CACNA2D3: variants seen among roughly 807,000 people sequenced by gnomAD.
CACNA2D3 encodes voltage-dependent calcium channel subunit alpha-2/delta-3.
In CACNA2D3, 60 loss-of-function variants were observed where a neutral mutation model predicts 160.6. The observed-to-expected ratio is 0.37, with a 90% CI of 0.30 to 0.46. CACNA2D3 has a LOEUF of 0.46. Ranked by LOEUF, CACNA2D3 falls within the 20% of genes least tolerant of loss-of-function variation. The pLI, the probability that CACNA2D3 is intolerant of heterozygous loss-of-function variation, is 1.00. For missense variants in CACNA2D3, 1,205 were observed against 1,365.0 expected (o/e 0.88, Z 1.85); for synonymous variants, 558 against 492.9 (o/e 1.13, Z -1.75).
chr3:54,161,411 C>T (rs1317671352), intron 2 of CACNA2D3, among the ~76,000 whole-genome samples: 2 of 152,208 alleles, frequency 1.3e-5, no homozygotes, highest in African/African-American at 2.4e-5. Flanking sequence ...AAAACATAGG[C>T]CTGTGAACAC....
chr3:54,280,814 T>C (rs1224201195), intron 2 of CACNA2D3, among the ~76,000 whole-genome samples: 1 of 152,206 alleles, frequency 6.6e-6, no homozygotes, highest in East Asian at 1.9e-4. Flanking sequence ...CTCCTCCTTT[T>C]TGGGTCTCAG....
chr3:54,888,063 G>C lies in CACNA2D3; in HGVS notation c.2150+11G>C, dbSNP rs1699967069. 3 of 1,598,292 alleles carry C rather than the reference G, an allele frequency of 1.9e-6. No homozygotes were observed. In the East Asian group the frequency reaches 6.7e-5, roughly 36 times the overall value. On this transcript the variant is annotated intron_variant, in intron 24 of 37. Coordinates refer to ENST00000474759, the MANE Select transcript of CACNA2D3 (RefSeq NM_018398.3). ...CCTCAACAAATCTGAGTAAGTGGTTGCACGTGTCCTCGTTTCATGGCCATT... is the reference window on the plus strand; with the variant it reads ...CCTCAACAAATCTGAGTAAGTGGTTCCACGTGTCCTCGTTTCATGGCCATT...
At position 54,368,693 on chromosome 3, in the gene CACNA2D3, C is replaced by CTTTT. The variant is rs33976949; in HGVS notation, c.322-17999_322-17996dup. ...CAAGGTAATATTTGGGGGTAGGGTTCTTTTTTTTTTTTTTTTTTTTTTTTT... is the reference window on the plus strand; with the variant it reads ...CAAGGTAATATTTGGGGGTAGGGTTCTTTTTTTTTTTTTTTTTTTTTTTTTTTTT... On this transcript the variant is annotated intron_variant, in intron 3 of 37. Coordinates refer to ENST00000474759, the MANE Select transcript of CACNA2D3 (RefSeq NM_018398.3). 8.7e-3 allele frequency among the ~76,000 whole-genome samples: 624 copies of CTTTT among 71,530 alleles called. 121 individuals carry two copies. Among genetic ancestry groups the CTTTT allele is most frequent in the East Asian group, 0.046 (80 of 1,758 alleles). The allele number at this position is 71,530 out of a possible 152,430, so 46.9% of individuals were successfully genotyped here.
intron 4 of CACNA2D3, among the ~76,000 whole-genome samples, chr3:54,414,648 A>G (rs1699725059): frequency 6.6e-6 from 1 of 151,836 alleles, no homozygotes; most frequent in Non-Finnish European, 1.5e-5. Context: ...TCTTTTCCCC[A>G]TTGCCCTAAT....
At chr3:54,900,268 C>T (rs1001948656) in intron 27 of CACNA2D3, among the ~76,000 whole-genome samples, 4 of 152,144 alleles carry the variant, frequency 2.6e-5, no homozygotes, top group Non-Finnish European at 4.4e-5. Flanking sequence ...CTGAAATGTG[C>T]CCTTCTCCAG....
At chr3:54,941,156 A>T (rs74464380) in intron 27 of CACNA2D3, among the ~76,000 whole-genome samples, 3,444 of 152,338 alleles carry the variant, frequency 0.023, 131 homozygotes, top group African/African-American at 0.075. Context: ...CCCCAGTTAA[A>T]GTAACTTAAA....
chr3:54,924,659 C>A (rs774908859), intron 27 of CACNA2D3: 1 of 1,614,076 alleles, frequency 6.2e-7, no homozygotes, highest in Non-Finnish European at 8.5e-7. Flanking sequence ...TAAGACCGAG[C>A]AAGTGGCAAT....
chr3:54,191,830 C>T (rs1309464057), intron 2 of CACNA2D3, among the ~76,000 whole-genome samples: 1 of 152,180 alleles, frequency 6.6e-6, no homozygotes, highest in Non-Finnish European at 1.5e-5. Flanking sequence ...AGAATGTACA[C>T]AGAGCCCAGA....
At chr3:54,806,741 G>A (rs1335855070) in intron 13 of CACNA2D3, among the ~76,000 whole-genome samples, 9 of 152,062 alleles carry the variant, frequency 5.9e-5, no homozygotes, top group South Asian at 4.2e-4. Flanking sequence ...AGCCCGCATC[G>A]CCAAGTCAAT....
In CACNA2D3 at chr3:54,494,385, G is replaced by A. The variant is rs78412419; in HGVS notation, c.382-9107G>A. ...CAATCGTCCCTGGTAAATGATGAGC[G>A]CCATTGAGCAAAATCATGCTTAGGC... is the stretch of plus-strand genomic sequence containing the variant. On this transcript the variant is annotated intron_variant, in intron 4 of 37. Transcript: ENST00000474759. 2.2e-3 allele frequency among the ~76,000 whole-genome samples: 335 copies of A among 152,268 alleles called. 2 individuals carry two copies. The highest frequency in any genetic ancestry group is 0.022 in the East Asian group (112 of 5,168).
intron 9 of CACNA2D3, among the ~76,000 whole-genome samples, chr3:54,609,383 A>G (rs544752687): frequency 6.6e-5 from 10 of 152,298 alleles, no homozygotes; most frequent in African/African-American, 2.4e-4. Context: ...AGCCCTGGCA[A>G]ATTAATACAG....
chr3:54,349,126 A>C (rs1050501896), intron 3 of CACNA2D3, among the ~76,000 whole-genome samples: 1 of 152,110 alleles, frequency 6.6e-6, no homozygotes, highest in Non-Finnish European at 1.5e-5. Flanking sequence ...GGTGGTAGAA[A>C]ACTAAAGAAA....
chr3:54,612,697 A>G (rs1698768038), intron 9 of CACNA2D3, among the ~76,000 whole-genome samples: 1 of 152,228 alleles, frequency 6.6e-6, no homozygotes. Flanking sequence ...GATAAGGTCC[A>G]GGGCGCTGGG....
intron 4 of CACNA2D3, among the ~76,000 whole-genome samples, chr3:54,417,819 T>A (rs920640395): frequency 1.7e-4 from 25 of 149,150 alleles, no homozygotes; most frequent in African/African-American, 6.2e-4. Flanking sequence ...GGGGGGTTAC[T>A]CCTGTCACCC....
chr3:54,540,489 G>A (rs1453307035), intron 5 of CACNA2D3, among the ~76,000 whole-genome samples: 1 of 152,058 alleles, frequency 6.6e-6, no homozygotes. Flanking sequence ...TGCTAATGTT[G>A]TCTCATGTTA....
At chr3:54,245,213 TA>T (rs1439282795) in intron 2 of CACNA2D3, among the ~76,000 whole-genome samples, 1 of 152,142 alleles carries the variant, frequency 6.6e-6, no homozygotes, top group Non-Finnish European at 1.5e-5. Context: ...ACAGTCTTTT[TA>T]TTTTTTTTTT....
intron 17 of CACNA2D3, among the ~76,000 whole-genome samples, chr3:54,849,180 G>A (rs1475624907): frequency 2.6e-5 from 4 of 152,302 alleles, no homozygotes; most frequent in Admixed American, 2.0e-4. Flanking sequence ...TAGACAACTT[G>A]TACTAGAGGT....
intron 2 of CACNA2D3, among the ~76,000 whole-genome samples, chr3:54,307,172 T>C (rs563871261): frequency 6.6e-6 from 1 of 152,280 alleles, no homozygotes; most frequent in Admixed American, 6.5e-5. Flanking sequence ...AACACCCTGA[T>C]TTTAAAGATG....
At chr3:54,297,051 C>T (rs751336737) in intron 2 of CACNA2D3, among the ~76,000 whole-genome samples, 1 of 152,162 alleles carries the variant, frequency 6.6e-6, no homozygotes, top group Non-Finnish European at 1.5e-5. Flanking sequence ...CCTTTCCCTT[C>T]ACTTTACCTT....
Sources: allele counts gnomAD v4.1 joint callset (sites outside exome capture counted in the v4.1 genomes callset), GRCh38; gene constraint gnomAD v4.1.1; transcripts MANE v1.5; gene names NCBI Gene and HGNC (gene_info 2026-07-23, HGNC 2026-07-21).